IPO9: variants seen among roughly 807,000 people sequenced by gnomAD.
The protein encoded by IPO9 is importin 9.
Under a neutral mutation model 128.6 loss-of-function variants are expected in IPO9, and 28 were observed. That is an observed-to-expected ratio of 0.22 (90% confidence interval 0.16 to 0.30). The LOEUF is 0.30. IPO9 is among the 10% of genes least tolerant of loss of function. IPO9 has a pLI of 1.00. For synonymous variants in IPO9, 455 were observed against 475.8 expected (o/e 0.96, Z 0.57); for missense variants, 935 against 1,293.9 (o/e 0.72, Z 4.26).
chr1:201,863,566 G>A lies in IPO9; in HGVS notation c.1587G>A (p.Gln529=). ...CAGTTAGTGGTCTTCACGAGACACA[G>A]CCCCCATCAGTTCGAATTTCTGCAG... ...QATVSGLHET[Q]PPSVRISAVR... The change falls in exon 14 of 24, where the codon CAG becomes CAA. Residue 529 remains glutamine (Q), a synonymous_variant. Coordinates refer to ENST00000361565, the MANE Select transcript of IPO9 (RefSeq NM_018085.5). 1 of 1,599,424 alleles carries A rather than the reference G, an allele frequency of 6.3e-7. No individual in the cohort carries two copies. The highest frequency in any genetic ancestry group is 8.6e-7 in the Non-Finnish European group (1 of 1,168,060).
In IPO9 at chr1:201,880,480, A is replaced by G. The variant is rs145829236; in HGVS notation, c.*4426A>G. On this transcript the variant is annotated 3_prime_UTR_variant, in exon 24 of 24. Coordinates refer to ENST00000361565, the MANE Select transcript of IPO9 (RefSeq NM_018085.5). ...AAGAATGCTTAGCTTAGAGAAGACA[A>G]GAGGAAACAGGACATGGCTTTGGGA... The G allele has an allele frequency of 1.2e-4, 18 of 152,368 alleles. No individual in the cohort carries two copies. In the East Asian group the frequency reaches 3.1e-3, roughly 26 times the overall value. The allele number at this position is 152,368 out of a possible 1,614,324, so 9.4% of individuals were successfully genotyped here. A position where few individuals can be genotyped will look rare whatever the true frequency, so the allele number is the denominator to read the frequency against.
chr1:201,874,508 A>G (rs1471603331), intron 21 of IPO9, 136 bp downstream of exon 21: 6 of 983,100 alleles, frequency 6.1e-6, no homozygotes, highest in South Asian at 1.7e-5. Flanking sequence ...GGCTGGCACC[A>G]TGCTAGGCAC....
chr1:201,871,376 CTTTTTTTTTTTTTTT>C (rs556986429), intron 19 of IPO9, 49 bp downstream of exon 19: 14 of 144,688 alleles, frequency 9.7e-5, no homozygotes, highest in Non-Finnish European at 1.2e-4. Flanking sequence ...ACTCATATTT[CTTTTTTTTTTTTTTT>C]TTTTTTTTTT....
chr1:201,868,882 T>C, intron 16 of IPO9, 86 bp downstream of exon 16: 3 of 1,440,724 alleles, frequency 2.1e-6, no homozygotes, highest in Non-Finnish European at 2.8e-6. Flanking sequence ...AAGAACCTAA[T>C]AGCGTTAGAG....
At chr1:201,849,130 C>T (rs1474733385) in intron 4 of IPO9, among the ~76,000 whole-genome samples, 1 of 152,160 alleles carries the variant, frequency 6.6e-6, no homozygotes, top group Non-Finnish European at 1.5e-5. Flanking sequence ...AAGATAAAAA[C>T]AGTATAGCCA....
chr1:201,869,623 A>G lies in IPO9; in HGVS notation c.2038A>G (p.Asn680Asp). Residue 680 changes from asparagine (N) to aspartate (D), a missense_variant, in exon 17 of 24, where the codon AAT becomes GAT. Around this residue, in one of 3 missense-constraint regions of IPO9, gnomAD observed 741 missense variants for 1,019.1 expected, o/e 0.73. Transcript: ENST00000361565. ...TGATATCCTGACAACAGTAGTACGAAATACAAAGCCTCCCCTTTCCCAGCT... is the reference window on the plus strand; with the variant it reads ...TGATATCCTGACAACAGTAGTACGAGATACAAAGCCTCCCCTTTCCCAGCT... ...AIDILTTVVRNTKPPLSQLLI... is the reference protein window; with the variant it reads ...AIDILTTVVRDTKPPLSQLLI... 2.5e-6 allele frequency: 4 copies of G among 1,614,122 alleles called. No homozygotes were observed. The highest frequency in any genetic ancestry group is 3.4e-6 in the Non-Finnish European group (4 of 1,180,012).
intron 15 of IPO9, 66 bp from the exon 16 acceptor site, chr1:201,868,582 T>C: frequency 1.3e-6 from 2 of 1,535,866 alleles, no homozygotes; most frequent in Non-Finnish European, 1.8e-6. Context: ...ACAACAGGCA[T>C]CATTAAGCGA....
chr1:201,862,826 TTAAC>T (rs1303363116), intron 13 of IPO9, among the ~76,000 whole-genome samples: 10 of 149,608 alleles, frequency 6.7e-5, no homozygotes, highest in African/African-American at 2.0e-4. Context: ...AAAAAAAAGA[TTAAC>T]TAGTAGTACA....
In IPO9 at chr1:201,880,978, T is replaced by G. The variant is rs182490484; in HGVS notation, c.*4924T>G. 1 of 152,312 alleles carries G rather than the reference T, an allele frequency of 6.6e-6. No homozygotes were observed. The highest frequency in any genetic ancestry group is 1.9e-4 in the East Asian group (1 of 5,184). The allele number at this position is 152,312 out of a possible 1,614,324, so 9.4% of individuals were successfully genotyped here. On this transcript the variant is annotated 3_prime_UTR_variant, in exon 24 of 24. Transcript: ENST00000361565. ...GGTAGCCTAGGTGTATTAAATGCAT[T>G]TTTCACTTAACGGTATTTTCAACTT...
Position 201,848,469 on chromosome 1 carries a change from A to G in IPO9, c.389A>G (p.Tyr130Cys). 1.9e-6 allele frequency: 3 copies of G among 1,614,186 alleles called. No homozygotes were observed. The highest frequency in any genetic ancestry group is 1.7e-6 in the Non-Finnish European group (2 of 1,180,014). The change falls in exon 4 of 24, where the codon TAT (tyrosine) becomes TGT (cysteine). Residue 130 changes from tyrosine (Y) to cysteine (C), a missense_variant. Physicochemically the swap from Tyr to Cys is radical, Grantham distance 194. Transcript: ENST00000361565. ...AGCAAAGTGCGCTCCAGTGTGGCCT[A>G]TGCAGTGTCAGCCATTGCCCACTGG... The part of the protein sequence containing the change: ...SISKVRSSVA[Y>C]AVSAIAHWDW...
chr1:201,830,273 A>T (rs1315941867), intron 1 of IPO9, among the ~76,000 whole-genome samples: 1 of 152,242 alleles, frequency 6.6e-6, no homozygotes, highest in East Asian at 1.9e-4. Flanking sequence ...CTCCCAACTC[A>T]GGAATATTTC....
chr1:201,834,118 G>T (rs981064172), intron 1 of IPO9, among the ~76,000 whole-genome samples: 1 of 151,680 alleles, frequency 6.6e-6, no homozygotes, highest in Admixed American at 6.6e-5. Context: ...GTTTGATCAG[G>T]TTTGTAGGAA....
Position 201,829,217 on chromosome 1 carries a change from C to A in IPO9, c.8C>A (p.Ala3Glu). Residue 3 changes from alanine to glutamate, a missense_variant, in exon 1 of 24, where the codon GCG becomes GAG. Around this residue, in one of 3 missense-constraint regions of IPO9, gnomAD observed 741 missense variants for 1,019.1 expected, o/e 0.73. Coordinates refer to ENST00000361565, the MANE Select transcript of IPO9 (RefSeq NM_018085.5). ...GGGCTGAGGGGAGAAAAGATGGCGG[C>A]GGCGGCGGCAGCTGGTGCGGCCTCC... is the stretch of plus-strand genomic sequence containing the variant. MA[A>E]AAAAGAASGL... The A allele has an allele frequency of 6.4e-7, 1 of 1,551,804 alleles. No homozygotes were observed. Among genetic ancestry groups the A allele is most frequent in the Non-Finnish European group, 8.7e-7 (1 of 1,153,716 alleles).
intron 9 of IPO9, 103 bp downstream of exon 9, chr1:201,855,285 TTAAG>T: frequency 1.5e-6 from 1 of 688,364 alleles, no homozygotes; most frequent in Admixed American, 2.4e-5. Context: ...CTTCACTCTA[TTAAG>T]TGTTTTCTAA....
chr1:201,846,665 G>A (rs1257763514), intron 1 of IPO9, among the ~76,000 whole-genome samples: 2 of 151,798 alleles, frequency 1.3e-5, no homozygotes, highest in Non-Finnish European at 2.9e-5. Context: ...GAGCCACTGC[G>A]CCCAGCCTGT....
At position 201,860,529 on chromosome 1, in the gene IPO9, A is replaced by T. The variant is rs532680264; in HGVS notation, c.1468+1535A>T. 1.1e-4 allele frequency among the ~76,000 whole-genome samples: 17 copies of T among 152,280 alleles called. 1 individual carries two copies. In the South Asian group the frequency reaches 3.5e-3, roughly 32 times the overall value. Reference sequence around the variant, plus strand: ...AATGATTTCTGAAGCCCATCAACACATTTCTTATAGAGTTTACCCTAGCAA... The same window carrying T: ...AATGATTTCTGAAGCCCATCAACACTTTTCTTATAGAGTTTACCCTAGCAA... On this transcript the variant is annotated intron_variant, in intron 13 of 23. Transcript: ENST00000361565.
At chr1:201,864,830 ATTAC>A (rs774731967) in intron 14 of IPO9, among the ~76,000 whole-genome samples, 4 of 152,186 alleles carry the variant, frequency 2.6e-5, no homozygotes, top group Admixed American at 6.5e-5. Flanking sequence ...ACAAGTTTAT[ATTAC>A]TTTTATAATC....
rs770493788 is a variant in IPO9, at chr1:201,829,222, G to C, written c.13G>C (p.Ala5Pro). Residue 5 changes from alanine to proline, a missense_variant, in exon 1 of 24, where the codon GCG becomes CCG. By Grantham distance (27) the Ala-to-Pro change is conservative. Coordinates refer to ENST00000361565, the MANE Select transcript of IPO9 (RefSeq NM_018085.5). MAAA[A>P]AAGAASGLPG... ...GAGGGGAGAAAAGATGGCGGCGGCG[G>C]CGGCAGCTGGTGCGGCCTCCGGGCT... 2 of 1,559,134 alleles carry C rather than the reference G, an allele frequency of 1.3e-6. No individual in the cohort carries two copies. Among genetic ancestry groups the C allele is most frequent in the Admixed American group, 3.8e-5 (2 of 53,200 alleles).
At position 201,871,332 on chromosome 1, in the gene IPO9, A is replaced by G. The variant is rs773905235; in HGVS notation, c.2576+5A>G. The G allele has an allele frequency of 1.3e-6, 2 of 1,546,878 alleles. No individual in the cohort carries two copies. The highest frequency in any genetic ancestry group is 3.7e-5 in the Admixed American group (2 of 54,102). ...ACAGTATGAAGGCAAAGTCAGGTAG[A>G]ACCTCATCTTTCTTTTCTGGGCATT... On this transcript the variant is annotated splice_donor_5th_base_variant and intron_variant, in intron 19 of 23. Coordinates refer to ENST00000361565, the MANE Select transcript of IPO9 (RefSeq NM_018085.5).
Sources: gnomAD v4.1 joint callset for allele counts (sites outside exome capture counted in the v4.1 genomes callset) on GRCh38, gnomAD v4.1.1 for gene constraint, gnomAD v4.1.1 regional missense constraint, MANE v1.5 for transcripts, NCBI Gene and HGNC (gene_info 2026-07-23, HGNC 2026-07-21) for gene names.